The following FIP1L1 variants were observed in gnomAD, a reference collection of about 807,000 sequenced individuals.
FIP1L1 encodes pre-mRNA 3'-end-processing factor FIP1.
FIP1L1 carries 21 observed loss-of-function variants against 84.6 expected under a neutral mutation model. The observed-to-expected ratio is 0.25, with a 90% CI of 0.18 to 0.36. FIP1L1 has a LOEUF of 0.36. Ranked by LOEUF, FIP1L1 falls within the 10% of genes least tolerant of loss-of-function variation. FIP1L1 has a pLI of 1.00. For synonymous variants in FIP1L1, 263 were observed against 242.3 expected (o/e 1.09, Z -0.80); for missense variants, 526 against 751.1 (o/e 0.70, Z 3.50).
At chr4:53,417,759 ACACACTCTCTCTCTCTCTCTCT>A (rs1355068404) in intron 11 of FIP1L1, among the ~76,000 whole-genome samples, 2,293 of 54,152 alleles carry the variant, frequency 0.042, 115 homozygotes, top group African/African-American at 0.092. Context: ...ACACACACAC[ACACACTCTCTCTCTCTCTCTCT>A]CTCTCTCTCT....
chr4:53,407,751 G>A (rs1317620117), intron 10 of FIP1L1, among the ~76,000 whole-genome samples: 2 of 152,076 alleles, frequency 1.3e-5, no homozygotes, highest in East Asian at 3.9e-4. Flanking sequence ...TTATGTAATG[G>A]CCTTCTTTGT....
chr4:53,411,049 C>CT (rs1350113248), intron 10 of FIP1L1, among the ~76,000 whole-genome samples: 2 of 152,066 alleles, frequency 1.3e-5, no homozygotes, highest in Non-Finnish European at 2.9e-5. Flanking sequence ...CTTGTCGCTG[C>CT]TTTTTGGGTG....
chr4:53,452,585 T>C (rs1579187770), intron 15 of FIP1L1, among the ~76,000 whole-genome samples: 1 of 152,212 alleles, frequency 6.6e-6, no homozygotes, highest in Non-Finnish European at 1.5e-5. Context: ...TCCCAAAGCG[T>C]TGGGATTACA....
Position 53,382,322 on chromosome 4 carries a change from G to C in FIP1L1, c.215G>C (p.Gly72Ala). 1 of 1,613,388 alleles carries C rather than the reference G, an allele frequency of 6.2e-7. No homozygotes were observed. Among genetic ancestry groups the C allele is most frequent in the African/African-American group, 1.3e-5 (1 of 75,006 alleles). ...SGIEDETAEN[G>A]VPKPKVTETE... ...ATTGAAGATGAAACTGCTGAAAATG[G>C]TGTACCAAAACCGGTAACATAAGGC... The change falls in exon 4 of 18, where the codon GGT (glycine) becomes GCT (alanine). Residue 72 changes from glycine to alanine, a missense_variant. Gly to Ala is a moderately conservative substitution (Grantham distance 60, BLOSUM62 0). Transcript: ENST00000337488.
chr4:53,427,908 C>A, intron 12 of FIP1L1, 119 bp from the exon 13 acceptor site: 1 of 839,558 alleles, frequency 1.2e-6, no homozygotes, highest in Non-Finnish European at 1.8e-6. Context: ...CCCAAAAATA[C>A]ATATATGTGA....
intron 16 of FIP1L1, among the ~76,000 whole-genome samples, chr4:53,453,555 G>A (rs1437317765): frequency 1.3e-5 from 2 of 152,128 alleles, no homozygotes; most frequent in East Asian, 3.9e-4. Flanking sequence ...ATAGCTCACT[G>A]CACTCTTACA....
intron 11 of FIP1L1, among the ~76,000 whole-genome samples, chr4:53,419,937 G>T (rs943013240): frequency 6.6e-5 from 10 of 151,736 alleles, no homozygotes; most frequent in Non-Finnish European, 1.3e-4. Flanking sequence ...GGCCAGGCGC[G>T]GTGGCTCACG....
At chr4:53,455,149 T>C (rs2175906) in intron 16 of FIP1L1, among the ~76,000 whole-genome samples, 11,517 of 152,268 alleles carry the variant, frequency 0.076, 726 homozygotes, top group South Asian at 0.28. Context: ...TAAGGGAATG[T>C]TGTGTGGCTG....
chr4:53,391,486 C>G lies in FIP1L1; in HGVS notation c.693C>G (p.Phe231Leu). 6.2e-7 allele frequency: 1 copy of G among 1,612,562 alleles called. No individual in the cohort carries two copies. The highest frequency in any genetic ancestry group is 8.5e-7 in the Non-Finnish European group (1 of 1,178,742). The change falls in exon 9 of 18, where the codon TTC (phenylalanine) becomes TTG (leucine). Residue 231 changes from phenylalanine (F) to leucine (L), a missense_variant. Physicochemically the swap from Phe to Leu is conservative, Grantham distance 22. Around this residue, in one of 6 missense-constraint regions of FIP1L1, gnomAD observed 169 missense variants for 206.9 expected, o/e 0.82. Transcript: ENST00000337488. ...GTGCAGAGATCCAAGATGGCAGATT[C>G]AATCTTTTTAAGGTGAATTTTAGTA... ...TPGAEIQDGR[F>L]NLFKVQQGRT...
chr4:53,460,072 A>G lies in FIP1L1; in HGVS notation c.*623A>G, dbSNP rs1056438325. 2 of 197,480 alleles carry G rather than the reference A, an allele frequency of 1.0e-5. No homozygotes were observed. The highest frequency in any genetic ancestry group is 4.6e-5 in the African/African-American group (2 of 43,072). 12.2% of individuals were successfully genotyped at this position (197,480 alleles called of 1,614,324 possible). A position where few individuals can be genotyped will look rare whatever the true frequency, so the allele number is the denominator to read the frequency against. ...TATGAAATAAATTAATTAATTACCC[A>G]TAGTGTAGTTTCTAGGAGGCATGTG... is the stretch of plus-strand genomic sequence containing the variant. On this transcript the variant is annotated 3_prime_UTR_variant, in exon 18 of 18. Transcript: ENST00000337488.
At chr4:53,381,152 A>G (rs1224195228) in intron 3 of FIP1L1, among the ~76,000 whole-genome samples, 1 of 152,208 alleles carries the variant, frequency 6.6e-6, no homozygotes, top group Non-Finnish European at 1.5e-5. Flanking sequence ...AAAAAGCTTA[A>G]AATTTTATCA....
At chr4:53,442,583 CA>C in intron 13 of FIP1L1, 69 bp from the exon 14 acceptor site, 2 of 1,048,938 alleles carry the variant, frequency 1.9e-6, no homozygotes, top group South Asian at 2.6e-5. Flanking sequence ...TGATATGCAG[CA>C]ACTTTGTTTC....
At chr4:53,450,178 T>G (rs1190756210) in intron 15 of FIP1L1, among the ~76,000 whole-genome samples, 3 of 152,190 alleles carry the variant, frequency 2.0e-5, no homozygotes, top group Non-Finnish European at 4.4e-5. Context: ...ATGTAGTATT[T>G]TAAGACTAAA....
intron 15 of FIP1L1, among the ~76,000 whole-genome samples, chr4:53,450,244 A>C (rs1344565579): frequency 6.6e-6 from 1 of 152,142 alleles, no homozygotes; most frequent in East Asian, 1.9e-4. Flanking sequence ...ATGTTTGTCT[A>C]TGTTTAGTTC....
At chr4:53,444,198 C>T in intron 15 of FIP1L1, 95 bp downstream of exon 15, 1 of 805,914 alleles carries the variant, frequency 1.2e-6, no homozygotes, top group Non-Finnish European at 2.1e-6. Flanking sequence ...GGTTTAACAT[C>T]TTACAGAGCA....
intron 13 of FIP1L1, among the ~76,000 whole-genome samples, chr4:53,441,148 T>G (rs187042583): frequency 6.7e-6 from 1 of 149,718 alleles, no homozygotes; most frequent in East Asian, 1.9e-4. Flanking sequence ...GGCCCAGTGT[T>G]TTATTTATTT....
rs1253548460 is a variant in FIP1L1, at chr4:53,415,674, TAAAAG to T, written c.923+958_923+962del. ...ATCAGATACCTTTGATCATAACACC[TAAAAG>T]AAAAGGGAGGAAACACTATCAAAAT... On this transcript the variant is annotated intron_variant, in intron 11 of 17. Coordinates refer to ENST00000337488, the MANE Select transcript of FIP1L1 (RefSeq NM_030917.4). Among the ~76,000 whole-genome samples, 10 of 152,254 alleles carry T rather than the reference TAAAAG, an allele frequency of 6.6e-5. No homozygotes were observed. The East Asian group carries it at 7.7e-4, about 12-fold the overall frequency.
chr4:53,395,181 AGACAAACAAATG>A (rs1441683802), intron 9 of FIP1L1, among the ~76,000 whole-genome samples: 1 of 152,226 alleles, frequency 6.6e-6, no homozygotes, highest in Non-Finnish European at 1.5e-5. Context: ...TAACATCTGA[AGACAAACAAATG>A]GATAATCAAG....
chr4:53,450,963 C>CTTT (rs869294352), intron 15 of FIP1L1, among the ~76,000 whole-genome samples: 17 of 138,192 alleles, frequency 1.2e-4, no homozygotes, highest in Non-Finnish European at 1.6e-4. Context: ...TAAAGCTACT[C>CTTT]TTTTTTTTTT....
Sources: allele counts gnomAD v4.1 joint callset (sites outside exome capture counted in the v4.1 genomes callset), GRCh38; gene constraint gnomAD v4.1.1; regional missense constraint gnomAD v4.1.1; transcripts MANE v1.5; gene names NCBI Gene and HGNC (gene_info 2026-07-23, HGNC 2026-07-21).